The following TCF12 variants were observed in gnomAD, a reference collection of about 807,000 sequenced individuals.
The protein encoded by TCF12 is transcription factor 12.
TCF12 carries 45 observed loss-of-function variants against 86.0 expected under a neutral mutation model. The ratio of observed to expected loss-of-function variants is 0.52; its 90% confidence interval spans 0.41 to 0.67. The LOEUF (loss-of-function observed/expected upper bound fraction) is 0.67. Among genes scored for constraint, TCF12 ranks in the 30% least tolerant of loss-of-function variants. The pLI, the probability that TCF12 is intolerant of heterozygous loss-of-function variation, is 0.00. For missense variants in TCF12, 881 were observed against 859.9 expected, an observed-to-expected ratio of 1.02 and a Z score of -0.31; for synonymous variants, 330 against 299.6, an observed-to-expected ratio of 1.10 and a Z score of -1.05.
At chr15:57,215,963 T>C (rs1200344694) in intron 8 of TCF12, among the ~76,000 whole-genome samples, 1 of 152,172 alleles carries the variant, frequency 6.6e-6, no homozygotes. Context: ...AAGCCTGGAA[T>C]TTAAACTGAA....
At chr15:57,008,107 C>A (rs530874695) in intron 3 of TCF12, among the ~76,000 whole-genome samples, 116 of 151,050 alleles carry the variant, frequency 7.7e-4, no homozygotes, top group African/African-American at 2.6e-3. Context: ...ACTACAGGCA[C>A]ATGCCACCAG....
At chr15:57,041,703 G>A (rs2066904740) in intron 3 of TCF12, among the ~76,000 whole-genome samples, 1 of 151,872 alleles carries the variant, frequency 6.6e-6, no homozygotes, top group Admixed American at 6.6e-5. Flanking sequence ...GGCAACTCTT[G>A]GAGTTAAAAA....
rs1306305481 is a variant in TCF12 at position 57,197,826 on chromosome 15, G to T, written c.579+1G>T. 1 of 1,613,840 alleles carries T rather than the reference G, an allele frequency of 6.2e-7. No individual in the cohort carries two copies. Among genetic ancestry groups the T allele is most frequent in the Non-Finnish European group, 8.5e-7 (1 of 1,179,904 alleles). ...GGTGCCTCCTGGTTTGCCTTCTTCTGTAAGTACCTATCTTTTTTTAACTTG... is the reference window on the plus strand; with the variant it reads ...GGTGCCTCCTGGTTTGCCTTCTTCTTTAAGTACCTATCTTTTTTTAACTTG... On this transcript the variant is annotated splice_donor_variant, in intron 8 of 20. Coordinates refer to ENST00000333725, the MANE Select transcript of TCF12 (RefSeq NM_207037.2). LOFTEE classifies it high-confidence loss of function.
chr15:56,990,250 C>CGT (rs748684847), intron 3 of TCF12, among the ~76,000 whole-genome samples: 2,547 of 126,216 alleles, frequency 0.02, 53 homozygotes, highest in African/African-American at 0.064. Flanking sequence ...TCTGTGTGTG[C>CGT]GTGTGCGTGT....
At chr15:57,053,852 G>A (rs186416293) in intron 3 of TCF12, among the ~76,000 whole-genome samples, 3 of 152,144 alleles carry the variant, frequency 2.0e-5, no homozygotes, top group African/African-American at 4.8e-5. Context: ...ATTTTATGAC[G>A]AGGACGGCTT....
chr15:57,007,768 TTCTTTCTTTCTTTCTTTCTTTCTC>T (rs769734302), intron 3 of TCF12, among the ~76,000 whole-genome samples: 2,905 of 51,924 alleles, frequency 0.056, 89 homozygotes, highest in East Asian at 0.15. Context: ...CTTTCTTTCT[TTCTTTCTTTCTTTCTTTCTTTCTC>T]TCTTTCTTTC....
At chr15:57,177,526 C>T (rs532680627) in intron 6 of TCF12, among the ~76,000 whole-genome samples, 3 of 151,292 alleles carry the variant, frequency 2.0e-5, no homozygotes, top group Non-Finnish European at 4.4e-5. Flanking sequence ...CTGACTCAGC[C>T]TCTCAAAGTG....
At chr15:57,133,720 C>A (rs1432800092) in intron 5 of TCF12, among the ~76,000 whole-genome samples, 1 of 150,274 alleles carries the variant, frequency 6.7e-6, no homozygotes, top group African/African-American at 2.5e-5. Flanking sequence ...CCTCTAAGAA[C>A]AAATTGGGAT....
chr15:57,216,607 C>T (rs1340996496), intron 8 of TCF12, among the ~76,000 whole-genome samples: 13 of 147,808 alleles, frequency 8.8e-5, no homozygotes, highest in Non-Finnish European at 1.9e-4. Context: ...ACTGCATTTA[C>T]TAAAGCAGCA....
chr15:56,999,640 A>G (rs1242427303), intron 3 of TCF12, among the ~76,000 whole-genome samples: 1 of 152,076 alleles, frequency 6.6e-6, no homozygotes, highest in African/African-American at 2.4e-5. Flanking sequence ...TTGGGAGGGC[A>G]ACACGAGGGG....
In TCF12 at chr15:57,289,560, A is replaced by C. The variant is rs2062036203; in HGVS notation, c.*3415A>C. The C allele has an allele frequency of 6.6e-6, 1 of 151,720 alleles. No homozygotes were observed. Among genetic ancestry groups the C allele is most frequent in the South Asian group, 2.1e-4 (1 of 4,814 alleles). 9.4% of individuals were successfully genotyped at this position (151,720 alleles called of 1,614,324 possible). A position where few individuals can be genotyped will look rare whatever the true frequency, so the allele number is the denominator to read the frequency against. Reference sequence around the variant, plus strand: ...ATTTCATTTTTCTTTTCTATAGTTCATGTTTTCTTTTTCCTTGGAAACTCA... The same window carrying C: ...ATTTCATTTTTCTTTTCTATAGTTCCTGTTTTCTTTTTCCTTGGAAACTCA... On this transcript the variant is annotated 3_prime_UTR_variant, in exon 21 of 21. Transcript: ENST00000333725.
intron 3 of TCF12, among the ~76,000 whole-genome samples, chr15:56,972,163 A>G (rs918400114): frequency 2.1e-4 from 32 of 152,218 alleles, no homozygotes; most frequent in African/African-American, 7.7e-4. Flanking sequence ...CATCACTAAA[A>G]TGTCTGTGAT....
At chr15:57,084,806 TATATTAA>T (rs2048522912) in intron 4 of TCF12, among the ~76,000 whole-genome samples, 1 of 152,104 alleles carries the variant, frequency 6.6e-6, no homozygotes, top group African/African-American at 2.4e-5. Context: ...ATATTAAATG[TATATTAA>T]ATGTATATTA....
At chr15:57,030,786 G>C (rs1250201454) in intron 3 of TCF12, among the ~76,000 whole-genome samples, 1 of 151,942 alleles carries the variant, frequency 6.6e-6, no homozygotes, top group Non-Finnish European at 1.5e-5. Flanking sequence ...ATAAGATTCA[G>C]TTCTTAGTAA....
chr15:57,143,473 A>G (rs1596791184), intron 5 of TCF12, among the ~76,000 whole-genome samples: 1 of 152,294 alleles, frequency 6.6e-6, no homozygotes, highest in East Asian at 1.9e-4. Flanking sequence ...ATTAAACCGA[A>G]ACAGCAACAA....
chr15:57,154,747 A>T (rs2053999346), intron 5 of TCF12, among the ~76,000 whole-genome samples: 1 of 152,180 alleles, frequency 6.6e-6, no homozygotes, highest in African/African-American at 2.4e-5. Context: ...AGAATTTTAA[A>T]ACCTCTGAAA....
rs1379246028 is a variant in TCF12, at chr15:57,193,578, T to C, written c.526+1285T>C. 2.6e-5 allele frequency among the ~76,000 whole-genome samples: 4 copies of C among 152,382 alleles called. No homozygotes were observed. The East Asian group carries it at 7.7e-4, about 29-fold the overall frequency. ...TCTACCAAATATCTTTTAAACAAGA[T>C]ACTTAAAGCTGCAAAGCATTTTTAA... is the stretch of plus-strand genomic sequence containing the variant. On this transcript the variant is annotated intron_variant, in intron 7 of 20. Transcript: ENST00000333725.
rs28374305 is a variant in TCF12, at chr15:57,036,260, T to G, written c.149-27490T>G. ...CATCTTGATATAGATAAAGGTTTTT[T>G]GTTTTTTTTTCACTGAAGAAGTCAT... On this transcript the variant is annotated intron_variant, in intron 3 of 20. Coordinates refer to ENST00000333725, the MANE Select transcript of TCF12 (RefSeq NM_207037.2). Among the ~76,000 whole-genome samples the G allele has an allele frequency of 4.6e-5, 7 of 150,814 alleles. No individual in the cohort carries two copies. The Admixed American group carries it at 4.9e-4, about 10-fold the overall frequency.
At chr15:57,064,168 C>G (rs1376881797) in intron 4 of TCF12, among the ~76,000 whole-genome samples, 28 of 152,148 alleles carry the variant, frequency 1.8e-4, no homozygotes, top group Non-Finnish European at 1.5e-5. Context: ...TTTCAACATA[C>G]TAACTTCTAG....
Sources: allele counts gnomAD v4.1 joint callset (sites outside exome capture counted in the v4.1 genomes callset), GRCh38; gene constraint gnomAD v4.1.1; transcripts MANE v1.5; gene names NCBI Gene and HGNC (gene_info 2026-07-23, HGNC 2026-07-21).